The following ABCD2 variants were observed in gnomAD, a reference collection of about 807,000 sequenced individuals.
ABCD2 encodes ATP-binding cassette sub-family D member 2.
A neutral mutation model predicts 70.9 loss-of-function variants in ABCD2; 36 were observed. That is an observed-to-expected ratio of 0.51 (90% confidence interval 0.39 to 0.67). ABCD2 has a LOEUF of 0.67. Among genes scored for constraint, ABCD2 ranks in the 30% least tolerant of loss-of-function variants. The pLI, the probability that ABCD2 is intolerant of heterozygous loss-of-function variation, is 0.00. For synonymous variants in ABCD2, 304 were observed against 306.9 expected, an observed-to-expected ratio of 0.99 and a Z score of 0.10; for missense variants, 729 against 890.2, an observed-to-expected ratio of 0.82 and a Z score of 2.30.
In ABCD2 at chr12:39,553,557, A is replaced by C. The variant is rs146416625; in HGVS notation, c.*355T>G. The C allele has an allele frequency of 4.1e-3, 758 of 184,724 alleles. 4 individuals carry two copies. Among genetic ancestry groups the C allele is most frequent in the Non-Finnish European group, 6.8e-3 (604 of 88,804 alleles). 11.4% of individuals were successfully genotyped at this position (184,724 alleles called of 1,614,324 possible). ...CTTGGTATCAACCCAAATGCTGCTC[A>C]GTTTAACTTGTTTCATTTCCAGAAT... On this transcript the variant is annotated 3_prime_UTR_variant, in exon 10 of 10. Transcript: ENST00000308666.
At chr12:39,562,120 A>T (rs1941268669) in intron 9 of ABCD2, among the ~76,000 whole-genome samples, 1 of 152,120 alleles carries the variant, frequency 6.6e-6, no homozygotes, top group East Asian at 1.9e-4. Context: ...TAAAAGAAAA[A>T]TTTTAAAAAT....
intron 6 of ABCD2, among the ~76,000 whole-genome samples, chr12:39,589,726 T>TA (rs2120654961): frequency 6.6e-6 from 1 of 152,274 alleles, no homozygotes; most frequent in Non-Finnish European, 1.5e-5. Flanking sequence ...TAACGATGTA[T>TA]AAAAATTGCT....
At position 39,618,995 on chromosome 12, in the gene ABCD2, G is replaced by C; in HGVS notation, c.621C>G (p.Asp207Glu). The C allele has an allele frequency of 6.2e-7, 1 of 1,614,208 alleles. No individual in the cohort carries two copies. The highest frequency in any genetic ancestry group is 1.1e-5 in the South Asian group (1 of 91,082). ...INMDGRLANP[D>E]QSLTEDIMMF... Reference sequence around the variant, plus strand: ...TCATAATATCCTCCGTAAGAGATTGGTCAGGGTTTGCCAGCCTCCCATCCA... The same window carrying C: ...TCATAATATCCTCCGTAAGAGATTGCTCAGGGTTTGCCAGCCTCCCATCCA... Residue 207 changes from aspartate to glutamate, a missense_variant, in exon 1 of 10, where the codon GAC becomes GAG. Transcript: ENST00000308666.
intron 8 of ABCD2, among the ~76,000 whole-genome samples, chr12:39,577,404 A>G (rs952645300): frequency 2.0e-5 from 3 of 152,236 alleles, no homozygotes; most frequent in Non-Finnish European, 2.9e-5. Flanking sequence ...ACCCCTACCT[A>G]GATTTACCTG....
intron 7 of ABCD2, among the ~76,000 whole-genome samples, chr12:39,580,601 C>T (rs548646158): frequency 2.6e-5 from 4 of 151,974 alleles, no homozygotes; most frequent in Non-Finnish European, 5.9e-5. Flanking sequence ...AATAAGCCTA[C>T]CTTAATTTTT....
chr12:39,536,272 A>G, the ABCD2 span, among the ~76,000 whole-genome samples: 1 of 152,274 alleles, frequency 6.6e-6, no homozygotes, highest in Non-Finnish European at 1.5e-5. Context: ...TCATTTAAAT[A>G]ATGTTGCTTT....
rs780922654 is a variant in ABCD2, at chr12:39,586,229, T to C, written c.1715A>G (p.Asp572Gly). ...CAGATCTTGGTCTGTATAACCTTTA[T>C]CATGCATATCATCCACTGAATCAGG... Reference protein sequence around the residue: ...IYPDSVDDMHDKGYTDQDLER... With the variant: ...IYPDSVDDMHGKGYTDQDLER... The change falls in exon 7 of 10, where the codon GAT (aspartate) becomes GGT (glycine). Residue 572 changes from aspartate (D) to glycine (G), a missense_variant. Asp to Gly is a moderately conservative substitution (Grantham distance 94). This residue lies in a region of ABCD2 where 289 missense variants were observed against 328.8 expected (regional missense o/e 0.88). Coordinates refer to ENST00000308666, the MANE Select transcript of ABCD2 (RefSeq NM_005164.4). 1.2e-5 allele frequency: 20 copies of C among 1,613,438 alleles called. No individual in the cohort carries two copies.
intron 8 of ABCD2, among the ~76,000 whole-genome samples, chr12:39,575,330 T>C (rs761753745): frequency 6.6e-6 from 1 of 152,136 alleles, no homozygotes; most frequent in Non-Finnish European, 1.5e-5. Flanking sequence ...ATCACATGTT[T>C]TAGTTTCCTT....
At chr12:39,573,055 A>C (rs1941469937) in intron 9 of ABCD2, among the ~76,000 whole-genome samples, 1 of 152,136 alleles carries the variant, frequency 6.6e-6, no homozygotes, top group South Asian at 2.1e-4. Context: ...GTAAAATAGG[A>C]AGATTAGATT....
intron 9 of ABCD2, among the ~76,000 whole-genome samples, chr12:39,563,100 A>T (rs1390367336): frequency 6.6e-6 from 1 of 152,238 alleles, no homozygotes; most frequent in Non-Finnish European, 1.5e-5. Flanking sequence ...AGCATTTGAT[A>T]AAATTGAACA....
At chr12:39,587,781 C>T (rs1941685938) in intron 6 of ABCD2, among the ~76,000 whole-genome samples, 1 of 151,972 alleles carries the variant, frequency 6.6e-6, no homozygotes, top group African/African-American at 2.4e-5. Context: ...AAGGAAGAAA[C>T]CTTAAAATTG....
At chr12:39,566,741 C>A (rs141456836) in intron 9 of ABCD2, among the ~76,000 whole-genome samples, 16,826 of 152,236 alleles carry the variant, frequency 0.11, 951 homozygotes, top group Non-Finnish European at 0.14. Context: ...AATTTTAGAT[C>A]TTTCCTGCTT....
chr12:39,590,756 A>ATT (rs550622696), intron 6 of ABCD2, among the ~76,000 whole-genome samples: 2 of 145,560 alleles, frequency 1.4e-5, no homozygotes, highest in African/African-American at 5.0e-5. Flanking sequence ...TCTGACAGTG[A>ATT]TTTTTTTTTT....
At chr12:39,611,966 C>A (rs941448752) in intron 2 of ABCD2, among the ~76,000 whole-genome samples, 1 of 151,968 alleles carries the variant, frequency 6.6e-6, no homozygotes, top group African/African-American at 2.4e-5. Flanking sequence ...AAAGGCTATC[C>A]AAACGTCCAA....
chr12:39,558,587 A>T (rs1305453310), intron 9 of ABCD2, among the ~76,000 whole-genome samples: 1 of 152,100 alleles, frequency 6.6e-6, no homozygotes, highest in African/African-American at 2.4e-5. Context: ...TTCTCTTGAG[A>T]TCTGATGGTA....
At chr12:39,592,814 C>T (rs1039179981) in intron 6 of ABCD2, among the ~76,000 whole-genome samples, 1 of 152,206 alleles carries the variant, frequency 6.6e-6, no homozygotes. Context: ...AAGAGGTGCA[C>T]CCTGTTTGCC....
chr12:39,578,252 A>C (rs1312359160), intron 8 of ABCD2, among the ~76,000 whole-genome samples: 2 of 152,158 alleles, frequency 1.3e-5, no homozygotes, highest in Non-Finnish European at 2.9e-5. Flanking sequence ...AGGCGGGCGG[A>C]TCACGAGGTC....
the ABCD2 span, among the ~76,000 whole-genome samples, chr12:39,543,242 C>T: frequency 6.6e-6 from 1 of 152,178 alleles, no homozygotes; most frequent in Non-Finnish European, 1.5e-5. Flanking sequence ...TTCCTGAGAA[C>T]ATGGAAATTC....
At chr12:39,609,825 G>T (rs1473269960) in intron 2 of ABCD2, among the ~76,000 whole-genome samples, 1 of 152,086 alleles carries the variant, frequency 6.6e-6, no homozygotes, top group East Asian at 1.9e-4. Context: ...ACAATATGAG[G>T]TAAAATTCAC....
Sources: gnomAD v4.1 joint callset for allele counts (sites outside exome capture counted in the v4.1 genomes callset) on GRCh38, gnomAD v4.1.1 for gene constraint, gnomAD v4.1.1 regional missense constraint, MANE v1.5 for transcripts, NCBI Gene and HGNC (gene_info 2026-07-23, HGNC 2026-07-21) for gene names.